Variants in IFT88 observed in about 807,000 individuals in gnomAD.
IFT88 encodes intraflagellar transport 88.
IFT88 carries 74 observed loss-of-function variants against 119.5 expected under a neutral mutation model. The observed-to-expected ratio is 0.62, with a 90% CI of 0.51 to 0.75. The LOEUF is 0.75. IFT88 is among the 30% of genes least tolerant of loss of function. The pLI, the probability that IFT88 is intolerant of heterozygous loss-of-function variation, is 0.00. For synonymous variants in IFT88, 279 were observed against 316.7 expected (o/e 0.88, Z 1.26); for missense variants, 961 against 977.7 (o/e 0.98, Z 0.23).
chr13:20,568,572 TA>T (rs1267982508), intron 1 of IFT88, among the ~76,000 whole-genome samples: 2 of 152,172 alleles, frequency 1.3e-5, no homozygotes, highest in Non-Finnish European at 2.9e-5. Context: ...AATCAGAAAT[TA>T]TGGTTCAGAA....
At chr13:20,661,071 A>G (rs1177265272) in intron 22 of IFT88, among the ~76,000 whole-genome samples, 1 of 152,216 alleles carries the variant, frequency 6.6e-6, no homozygotes, top group African/African-American at 2.4e-5. Flanking sequence ...GATACAACAG[A>G]TATATCAACT....
intron 18 of IFT88, chr13:20,642,815 C>T (rs532139599): frequency 6.6e-5 from 10 of 151,444 alleles, no homozygotes; most frequent in South Asian, 4.2e-4. Context: ...CACTTGTCAT[C>T]GTTAAAAACA....
At position 20,690,819 on chromosome 13, in the gene IFT88, A is replaced by G; in HGVS notation, c.2353+4A>G. ...AGTAGCAGTAACAAAGAAATAGGCAAGTACTCTCCACCCAGTTCCTCCAGG... is the reference window on the plus strand; with the variant it reads ...AGTAGCAGTAACAAAGAAATAGGCAGGTACTCTCCACCCAGTTCCTCCAGG... On this transcript the variant is annotated splice_donor_region_variant and intron_variant, in intron 25 of 25. Transcript: ENST00000351808. 3 of 1,591,708 alleles carry G rather than the reference A, an allele frequency of 1.9e-6. No individual in the cohort carries two copies. Among genetic ancestry groups the G allele is most frequent in the Non-Finnish European group, 2.6e-6 (3 of 1,159,560 alleles).
intron 2 of IFT88, among the ~76,000 whole-genome samples, chr13:20,579,384 T>C (rs1358675486): frequency 6.6e-6 from 1 of 152,174 alleles, no homozygotes; most frequent in Non-Finnish European, 1.5e-5. Context: ...TTCCACTCTT[T>C]CCACCCTTTT....
chr13:20,636,706 C>T (rs1166010598), intron 16 of IFT88, among the ~76,000 whole-genome samples: 1 of 152,226 alleles, frequency 6.6e-6, no homozygotes, highest in African/African-American at 2.4e-5. Context: ...CCAACACAGG[C>T]CCTCACAGCT....
At chr13:20,669,974 T>G (rs2055511081) in intron 23 of IFT88, among the ~76,000 whole-genome samples, 1 of 152,192 alleles carries the variant, frequency 6.6e-6, no homozygotes. Flanking sequence ...TTTAAGAGAG[T>G]ATTTCATCTT....
chr13:20,596,117 G>A lies in IFT88; in HGVS notation c.399-33G>A, dbSNP rs560231850. 14 of 742,922 alleles carry A rather than the reference G, an allele frequency of 1.9e-5. No homozygotes were observed. The East Asian group carries it at 3.9e-4, about 21-fold the overall frequency. 46.0% of individuals were successfully genotyped at this position (742,922 alleles called of 1,614,324 possible). On this transcript the variant is annotated intron_variant, in intron 7 of 25. Transcript: ENST00000351808. ...TAGTATAGATTTTTAGAGGTTGAAT[G>A]ATTTAAATTGTACCTGCTTTTGTCT...
chr13:20,568,033 A>T, intron 1 of IFT88: 1 of 713,094 alleles, frequency 1.4e-6, no homozygotes, highest in South Asian at 1.5e-5. Flanking sequence ...CGCAAAAAAG[A>T]ATCTCATAAT....
intron 14 of IFT88, among the ~76,000 whole-genome samples, chr13:20,619,649 G>C (rs1350178227): frequency 6.6e-6 from 1 of 151,632 alleles, no homozygotes; most frequent in Non-Finnish European, 1.5e-5. Flanking sequence ...TTTGCAGTTT[G>C]AACCTGTTGT....
At chr13:20,593,935 C>T (rs905761740) in intron 7 of IFT88, among the ~76,000 whole-genome samples, 3 of 151,986 alleles carry the variant, frequency 2.0e-5, no homozygotes, top group South Asian at 2.1e-4. Context: ...CCTGTAGCTC[C>T]AGCTACTCAG....
intron 18 of IFT88, 56 bp from the exon 19 acceptor site, chr13:20,643,399 T>C (rs1345353637): frequency 2.2e-6 from 3 of 1,346,274 alleles, no homozygotes; most frequent in Non-Finnish European, 3.1e-6. Flanking sequence ...TTTTTAAGTT[T>C]GCTTATTGCT....
chr13:20,592,048 A>G (rs925062617), intron 6 of IFT88, among the ~76,000 whole-genome samples: 3 of 152,202 alleles, frequency 2.0e-5, no homozygotes, highest in African/African-American at 7.2e-5. Context: ...GATAATAGAG[A>G]TAGATCACTG....
intron 20 of IFT88, among the ~76,000 whole-genome samples, chr13:20,647,166 AACTT>A (rs1461300297): frequency 6.6e-6 from 1 of 152,142 alleles, no homozygotes; most frequent in Non-Finnish European, 1.5e-5. Flanking sequence ...CTTTTCTATA[AACTT>A]ACTTCCACTT....
At chr13:20,580,332 A>G (rs1431162277) in intron 2 of IFT88, among the ~76,000 whole-genome samples, 2 of 152,156 alleles carry the variant, frequency 1.3e-5, no homozygotes, top group South Asian at 2.1e-4. Flanking sequence ...AGCCTGACCA[A>G]CATGGTGAAG....
chr13:20,637,224 G>A (rs2049149214), intron 16 of IFT88, among the ~76,000 whole-genome samples: 1 of 152,182 alleles, frequency 6.6e-6, no homozygotes, highest in South Asian at 2.1e-4. Context: ...ACAACTTTGT[G>A]AACCTACTAA....
chr13:20,682,848 G>A (rs34294251), intron 24 of IFT88, among the ~76,000 whole-genome samples: 59,735 of 152,104 alleles, frequency 0.39, 13,727 homozygotes, highest in Non-Finnish European at 0.52. Flanking sequence ...CAGTGAAAAC[G>A]CTTAGCAGGC....
chr13:20,638,120 C>A (rs2049306168), intron 16 of IFT88, among the ~76,000 whole-genome samples: 1 of 152,162 alleles, frequency 6.6e-6, no homozygotes, highest in African/African-American at 2.4e-5. Context: ...AACCATGAGA[C>A]TGTGGAGAAG....
At chr13:20,569,539 C>T (rs919553619) in intron 1 of IFT88, among the ~76,000 whole-genome samples, 1 of 150,924 alleles carries the variant, frequency 6.6e-6, no homozygotes, top group Admixed American at 6.6e-5. Flanking sequence ...CGCCACTGCA[C>T]TCCAGCCTGG....
intron 2 of IFT88, among the ~76,000 whole-genome samples, chr13:20,582,045 C>T (rs886128058): frequency 1.3e-5 from 2 of 150,816 alleles, no homozygotes; most frequent in African/African-American, 4.9e-5. Flanking sequence ...AAATAATTGA[C>T]AAGTGTGTAT....
Sources: gnomAD v4.1 joint callset for allele counts (sites outside exome capture counted in the v4.1 genomes callset) on GRCh38, gnomAD v4.1.1 for gene constraint, MANE v1.5 for transcripts, NCBI Gene and HGNC (gene_info 2026-07-23, HGNC 2026-07-21) for gene names.